The following CXCR2 variants were observed in gnomAD, a reference collection of about 807,000 sequenced individuals.
The protein encoded by CXCR2 is C-X-C chemokine receptor type 2.
Under a neutral mutation model 3.7 loss-of-function variants are expected in CXCR2, and 2 were observed. The observed-to-expected ratio is 0.55, with a 90% confidence interval of 0.22 to 1.72. The LOEUF (loss-of-function observed/expected upper bound fraction) is 1.72. Ranked by LOEUF, CXCR2 falls within the 40% of genes most tolerant of loss-of-function variation. CXCR2 has a pLI of 0.19. For synonymous variants in CXCR2, 203 were observed against 193.3 expected (o/e 1.05, Z -0.41); for missense variants, 351 against 450.1 (o/e 0.78, Z 1.99).
At chr2:218,125,970 G>A (rs573907797), upstream of CXCR2, 1 of 152,368 alleles carries the variant, frequency 6.6e-6, no homozygotes, top group African/African-American at 2.4e-5. Context: ...TCCGTTGGCG[G>A]GGGCTGGGAT....
At chr2:218,134,750 G>T in intron 2 of CXCR2, 27 bp from the exon 3 acceptor site, 1 of 1,562,826 alleles carries the variant, frequency 6.4e-7, no homozygotes. Flanking sequence ...AATTTATTAT[G>T]CAGTAACCTT....
In CXCR2 at chr2:218,135,375, G is replaced by A; in HGVS notation, c.574G>A (p.Val192Ile). The change falls in exon 3 of 3, where the codon GTT (valine) becomes ATT (isoleucine). Residue 192 changes from valine (V) to isoleucine (I), a missense_variant. Physicochemically the swap from Val to Ile is conservative, Grantham distance 29 (BLOSUM62 3). Transcript: ENST00000318507. This position sits in a 1 kb window ranked among gnomAD's most constrained non-coding sequence, Gnocchi z 4.0. ...CCGAAGGACCGTCTACTCATCCAAT[G>A]TTAGCCCAGCCTGCTATGAGGACAT... ...LFRRTVYSSN[V>I]SPACYEDMGN... is the part of the protein sequence containing the mutation. 1 of 1,614,166 alleles carries A rather than the reference G, an allele frequency of 6.2e-7. No individual in the cohort carries two copies. The highest frequency in any genetic ancestry group is 8.5e-7 in the Non-Finnish European group (1 of 1,180,032).
chr2:218,133,983 T>C (rs920226329), intron 2 of CXCR2, among the ~76,000 whole-genome samples: 5 of 152,216 alleles, frequency 3.3e-5, no homozygotes, highest in African/African-American at 4.8e-5. Context: ...TTTTCCAAAC[T>C]ACACAGACAT....
At chr2:218,130,424 G>GA (rs1364167161) in intron 2 of CXCR2, among the ~76,000 whole-genome samples, 15 of 151,804 alleles carry the variant, frequency 9.9e-5, no homozygotes, top group Non-Finnish European at 2.1e-4. Context: ...ATCAAAAAAA[G>GA]AAAAAAAGAA....
At position 218,137,192 on chromosome 2, in the gene CXCR2, T is replaced by C. The variant is rs1174162142; in HGVS notation, c.*1308T>C. On this transcript the variant is annotated 3_prime_UTR_variant, in exon 3 of 3. Coordinates refer to ENST00000318507, the MANE Select transcript of CXCR2 (RefSeq NM_001557.4). ...GGCTAGAACCACCTGCCTATATTTT[T>C]TGTTAAATGATTTCATTCAATATCT... 1 of 167,280 alleles carries C rather than the reference T, an allele frequency of 6.0e-6. No homozygotes were observed. Among genetic ancestry groups the C allele is most frequent in the Non-Finnish European group, 1.5e-5 (1 of 68,132 alleles). The allele number at this position is 167,280 out of a possible 1,614,324, so 10.4% of individuals were successfully genotyped here. A position where few individuals can be genotyped will look rare whatever the true frequency, so the allele number is the denominator to read the frequency against.
intron 2 of CXCR2, among the ~76,000 whole-genome samples, chr2:218,134,528 T>G (rs1690731423): frequency 6.6e-6 from 1 of 152,228 alleles, no homozygotes; most frequent in Admixed American, 6.5e-5. Context: ...TTTTAGGTGA[T>G]GGCGATGCTA....
chr2:218,130,986 G>A (rs1203596681), intron 2 of CXCR2: 1 of 152,346 alleles, frequency 6.6e-6, no homozygotes, highest in African/African-American at 2.4e-5. Context: ...GCACAGCTGA[G>A]CACTGGATTA....
In CXCR2 at chr2:218,135,223, G is replaced by T. The variant is rs1454333233; in HGVS notation, c.422G>T (p.Ser141Ile). 6.8e-6 allele frequency: 11 copies of T among 1,614,126 alleles called. No homozygotes were observed. Among genetic ancestry groups the T allele is most frequent in the Non-Finnish European group, 8.5e-6 (10 of 1,180,058 alleles). The change falls in exon 3 of 3, where the codon AGT (serine) becomes ATT (isoleucine). Residue 141 changes from serine (S) to isoleucine (I), a missense_variant. Ser to Ile is a moderately radical substitution (Grantham distance 142). Transcript: ENST00000318507. The surrounding 1 kb of genome is among the most constrained non-coding windows in gnomAD (Gnocchi z 4.0). The stretch of plus-strand genomic sequence containing the variant: ...GGCATCCTGCTACTGGCCTGCATCA[G>T]TGTGGACCGTTACCTGGCCATTGTC... ...YSGILLLACI[S>I]VDRYLAIVHA...
Position 218,132,108 on chromosome 2 carries a change from C to CT in CXCR2, c.-25-2661dup, listed in dbSNP as rs1323251917. ...CAAGGCCGTGTACCCTTTGATTAATCTTTTTTTTAATTAAGACATAAGTCA... is the reference window on the plus strand; with the variant it reads ...CAAGGCCGTGTACCCTTTGATTAATCTTTTTTTTTAATTAAGACATAAGTCA... On this transcript the variant is annotated intron_variant, in intron 2 of 2. Coordinates refer to ENST00000318507, the MANE Select transcript of CXCR2 (RefSeq NM_001557.4). 6.6e-5 allele frequency among the ~76,000 whole-genome samples: 10 copies of CT among 151,908 alleles called. No homozygotes were observed. In the East Asian group the frequency reaches 7.7e-4, roughly 12 times the overall value.
In CXCR2 at chr2:218,128,432, G is replaced by A. The variant is rs192715717; in HGVS notation, c.-77-882G>A. 8.7e-4 allele frequency among the ~76,000 whole-genome samples: 133 copies of A among 152,334 alleles called. 1 individual carries two copies. The highest frequency in any genetic ancestry group is 3.1e-3 in the African/African-American group (128 of 41,578). ...TGCATGGAGCAAGAGATAGGGTAAGGAATAATGGAGGGGATTGAGGTGTTG... is the reference window on the plus strand; with the variant it reads ...TGCATGGAGCAAGAGATAGGGTAAGAAATAATGGAGGGGATTGAGGTGTTG... On this transcript the variant is annotated intron_variant, in intron 1 of 2. Coordinates refer to ENST00000318507, the MANE Select transcript of CXCR2 (RefSeq NM_001557.4).
intron 2 of CXCR2, among the ~76,000 whole-genome samples, chr2:218,131,183 C>T (rs763241123): frequency 1.3e-5 from 2 of 152,252 alleles, no homozygotes; most frequent in Non-Finnish European, 2.9e-5. Flanking sequence ...GATGGGTCTT[C>T]TGTTGGGTCA....
chr2:218,135,773 A>C lies in CXCR2; in HGVS notation c.972A>C (p.Gly324=), dbSNP rs949651459. Residue 324 remains glycine (G), a synonymous_variant, in exon 3 of 3, where the codon GGA becomes GGC. Transcript: ENST00000318507. The surrounding 1 kb of genome is among the most constrained non-coding windows in gnomAD (Gnocchi z 4.0). The stretch of plus-strand genomic sequence containing the variant: ...TCATTGGCCAGAAGTTTCGCCATGG[A>C]CTCCTCAAGATTCTAGCTATACATG... The part of the protein sequence containing the change: ...YAFIGQKFRH[G]LLKILAIHGL... 6.2e-7 allele frequency: 1 copy of C among 1,613,384 alleles called. No individual in the cohort carries two copies. The highest frequency in any genetic ancestry group is 1.7e-5 in the Admixed American group (1 of 59,892).
At chr2:218,133,101 T>C (rs1690690396) in intron 2 of CXCR2, among the ~76,000 whole-genome samples, 1 of 152,100 alleles carries the variant, frequency 6.6e-6, no homozygotes, top group Non-Finnish European at 1.5e-5. Context: ...TTCTGGGACC[T>C]TTAACTTCCT....
chr2:218,134,663 A>G (rs1462122778), intron 2 of CXCR2, 114 bp from the exon 3 acceptor site: 1 of 1,012,336 alleles, frequency 9.9e-7, no homozygotes, highest in East Asian at 2.6e-5. Flanking sequence ...GAAGGGAAAA[A>G]TTACTACATT....
chr2:218,130,680 T>G (rs1476841217), intron 2 of CXCR2, among the ~76,000 whole-genome samples: 1 of 152,204 alleles, frequency 6.6e-6, no homozygotes. Context: ...TAATGAGCCA[T>G]GGAGATCATG....
At position 218,135,135 on chromosome 2, in the gene CXCR2, T is replaced by G; in HGVS notation, c.334T>G (p.Trp112Gly). The change falls in exon 3 of 3, where the codon TGG becomes GGG. Residue 112 changes from tryptophan (W) to glycine (G), a missense_variant. Trp to Gly is a radical substitution (Grantham distance 184, BLOSUM62 -2). Transcript: ENST00000318507. The surrounding 1 kb of genome is among the most constrained non-coding windows in gnomAD (Gnocchi z 4.0). ...CTGGGCCGCCTCCAAGGTGAATGGCTGGATTTTTGGCACATTCCTGTGCAA... is the reference window on the plus strand; with the variant it reads ...CTGGGCCGCCTCCAAGGTGAATGGCGGGATTTTTGGCACATTCCTGTGCAA... The part of the protein sequence containing the change: ...PIWAASKVNG[W>G]IFGTFLCKVV... The G allele has an allele frequency of 6.2e-7, 1 of 1,614,194 alleles. No homozygotes were observed. Among genetic ancestry groups the G allele is most frequent in the South Asian group, 1.1e-5 (1 of 91,082 alleles).
At position 218,135,800 on chromosome 2, in the gene CXCR2, C is replaced by T. The variant is rs762151913; in HGVS notation, c.999C>T (p.Gly333=). The T allele has an allele frequency of 6.2e-6, 10 of 1,614,196 alleles. No homozygotes were observed. In the South Asian group the frequency reaches 1.1e-4, roughly 18 times the overall value. ...TCCTCAAGATTCTAGCTATACATGGCTTGATCAGCAAGGACTCCCTGCCCA... is the reference window on the plus strand; with the variant it reads ...TCCTCAAGATTCTAGCTATACATGGTTTGATCAGCAAGGACTCCCTGCCCA... ...HGLLKILAIH[G]LISKDSLPKD... is the part of the protein sequence containing the mutation. The change falls in exon 3 of 3, where the codon GGC becomes GGT. Residue 333 remains glycine (G), a synonymous_variant. Coordinates refer to ENST00000318507, the MANE Select transcript of CXCR2 (RefSeq NM_001557.4). This position sits in a 1 kb window ranked among gnomAD's most constrained non-coding sequence, Gnocchi z 4.0.
At chr2:218,134,111 C>A (rs1229001144) in intron 2 of CXCR2, among the ~76,000 whole-genome samples, 1 of 152,178 alleles carries the variant, frequency 6.6e-6, no homozygotes, top group African/African-American at 2.4e-5. Flanking sequence ...AACCATTTTC[C>A]AGAATACATC....
upstream of CXCR2, chr2:218,125,675 C>T: frequency 6.6e-6 from 1 of 152,440 alleles, no homozygotes; most frequent in Non-Finnish European, 1.5e-5. Flanking sequence ...AGGAAGGAAG[C>T]CAGTTGCAGT....
Sources: gnomAD v4.1 joint callset for allele counts (sites outside exome capture counted in the v4.1 genomes callset) on GRCh38, gnomAD v4.1.1 for gene constraint, Gnocchi (gnomAD v3.1) non-coding constraint, MANE v1.5 for transcripts, NCBI Gene and HGNC (gene_info 2026-07-23, HGNC 2026-07-21) for gene names.